IL17RD: variants seen among roughly 807,000 people sequenced by gnomAD.
IL17RD encodes the protein interleukin 17 receptor D.
In IL17RD, 52 loss-of-function variants were observed where a neutral mutation model predicts 80.5. The ratio of observed to expected loss-of-function variants is 0.65; its 90% CI spans 0.52 to 0.81. The LOEUF (loss-of-function observed/expected upper bound fraction) is 0.81, where lower values mean the gene tolerates loss of function less well. Among genes scored for constraint, IL17RD ranks in the 40% least tolerant of loss-of-function variants. IL17RD has a pLI of 0.00. For missense variants in IL17RD, 1,024 were observed against 955.1 expected, an observed-to-expected ratio of 1.07 and a Z score of -0.95; for synonymous variants, 416 against 391.8, an observed-to-expected ratio of 1.06 and a Z score of -0.73.
intron 1 of IL17RD, among the ~76,000 whole-genome samples, chr3:57,161,437 C>T (rs2060304414): frequency 6.6e-6 from 1 of 152,236 alleles, no homozygotes. Flanking sequence ...TTCCTTCCTA[C>T]CTTTTGTGAT....
At chr3:57,101,514 T>C (rs1387596507) in intron 10 of IL17RD, among the ~76,000 whole-genome samples, 151 bp from the exon 11 acceptor site, 1 of 152,222 alleles carries the variant, frequency 6.6e-6, no homozygotes, top group African/African-American at 2.4e-5. Flanking sequence ...TGATCATCAC[T>C]TGGAATGGGA....
At chr3:57,168,464 G>A (rs951417451), upstream of IL17RD, among the ~76,000 whole-genome samples, 1 of 152,142 alleles carries the variant, frequency 6.6e-6, no homozygotes, top group South Asian at 2.1e-4. Flanking sequence ...AGCCTTAAGC[G>A]TCCAGTCTAA....
At chr3:57,126,512 C>G (rs2107506546) in intron 1 of IL17RD, among the ~76,000 whole-genome samples, 1 of 152,342 alleles carries the variant, frequency 6.6e-6, no homozygotes, top group South Asian at 2.1e-4. Flanking sequence ...GGCAGCGGAG[C>G]AGGATCCACA....
chr3:57,157,260 A>T (rs2107543434), intron 1 of IL17RD, among the ~76,000 whole-genome samples: 1 of 152,310 alleles, frequency 6.6e-6, no homozygotes, highest in Admixed American at 6.5e-5. Context: ...GGGCAGTTCT[A>T]GGATGAGGAG....
intron 3 of IL17RD, among the ~76,000 whole-genome samples, chr3:57,111,622 C>T (rs750051574): frequency 1.3e-5 from 2 of 152,086 alleles, no homozygotes; most frequent in Non-Finnish European, 2.9e-5. Flanking sequence ...GACTAGTTAA[C>T]GAAAGCCAAG....
At chr3:57,141,630 A>C (rs570334194) in intron 1 of IL17RD, among the ~76,000 whole-genome samples, 1 of 152,312 alleles carries the variant, frequency 6.6e-6, no homozygotes, top group Middle Eastern at 3.4e-3. Context: ...TGTATACACA[A>C]ACTGCTAAAT....
chr3:57,103,713 T>C (rs1412492928), intron 8 of IL17RD, among the ~76,000 whole-genome samples: 6 of 149,706 alleles, frequency 4.0e-5, no homozygotes, highest in African/African-American at 1.5e-4. Flanking sequence ...GAAACATTAC[T>C]TTTTTTTTTG....
upstream of IL17RD, among the ~76,000 whole-genome samples, chr3:57,168,715 G>GTTGT (rs765223504): frequency 5.9e-5 from 9 of 152,026 alleles, no homozygotes; most frequent in African/African-American, 1.4e-4. Context: ...TGTTTTTGTT[G>GTTGT]TTGTTTGTTT....
chr3:57,163,202 C>T (rs188666667), intron 1 of IL17RD, among the ~76,000 whole-genome samples: 1 of 152,252 alleles, frequency 6.6e-6, no homozygotes, highest in East Asian at 1.9e-4. Context: ...GGCCCAGAGG[C>T]CTCTACGATC....
At chr3:57,141,329 T>G (rs1308153760) in intron 1 of IL17RD, among the ~76,000 whole-genome samples, 1 of 152,236 alleles carries the variant, frequency 6.6e-6, no homozygotes, top group African/African-American at 2.4e-5. Context: ...CCATGTCATC[T>G]TACAAGTTCC....
chr3:57,148,814 C>T (rs938894886), intron 1 of IL17RD, among the ~76,000 whole-genome samples: 5 of 152,154 alleles, frequency 3.3e-5, no homozygotes, highest in Non-Finnish European at 7.4e-5. Flanking sequence ...GGCAGGTGGG[C>T]CCAGTGAAGC....
chr3:57,144,354 T>C (rs988188438), intron 1 of IL17RD, among the ~76,000 whole-genome samples: 2 of 152,248 alleles, frequency 1.3e-5, no homozygotes, highest in African/African-American at 2.4e-5. Context: ...TCACCATCTC[T>C]TCCTCCTCTG....
chr3:57,163,157 T>C (rs1559489441), intron 1 of IL17RD, among the ~76,000 whole-genome samples: 1 of 152,098 alleles, frequency 6.6e-6, no homozygotes, highest in Non-Finnish European at 1.5e-5. Context: ...CAAGGAACCA[T>C]GTATCAGCCT....
intron 5 of IL17RD, among the ~76,000 whole-genome samples, chr3:57,108,115 A>G (rs1707006088): frequency 6.6e-6 from 1 of 150,700 alleles, no homozygotes; most frequent in Non-Finnish European, 1.5e-5. Context: ...GCTGGAGTGC[A>G]GCGGCATGAT....
Position 57,098,212 on chromosome 3 carries a change from C to G in IL17RD, c.1491G>C (p.Lys497Asn), listed in dbSNP as rs773057456. 2 of 1,613,906 alleles carry G rather than the reference C, an allele frequency of 1.2e-6. No homozygotes were observed. The highest frequency in any genetic ancestry group is 2.2e-5 in the South Asian group (2 of 91,058). ...DVPGILDLST[K>N]YRLMDNLPQL... ...GAGGAAGATTGTCCATGAGTCTGTA[C>G]TTGGTACTCAGGTCTAGGATACCGG... The change falls in exon 12 of 13, where the codon AAG (lysine) becomes AAC (asparagine). Residue 497 changes from lysine to asparagine, a missense_variant. By Grantham distance (94) the Lys-to-Asn change is moderately conservative. Transcript: ENST00000296318.
intron 2 of IL17RD, among the ~76,000 whole-genome samples, chr3:57,117,860 C>G (rs561931970): frequency 3.3e-5 from 5 of 152,288 alleles, no homozygotes; most frequent in African/African-American, 1.2e-4. Flanking sequence ...AACTGAACTT[C>G]AAACGTCTCA....
chr3:57,100,126 G>A (rs1579257395), intron 11 of IL17RD, among the ~76,000 whole-genome samples: 2 of 152,342 alleles, frequency 1.3e-5, no homozygotes, highest in East Asian at 3.9e-4. Context: ...GTTTTCCCCA[G>A]AGGCTAAATA....
At chr3:57,127,412 A>ATATATATATATT (rs1246159104) in intron 1 of IL17RD, among the ~76,000 whole-genome samples, 1 of 91,216 alleles carries the variant, frequency 1.1e-5, no homozygotes, top group African/African-American at 4.9e-5. Flanking sequence ...ATATATATAT[A>ATATATATATATT]TTTTTTTTTT....
At chr3:57,163,022 G>A (rs928924038) in intron 1 of IL17RD, among the ~76,000 whole-genome samples, 8 of 152,194 alleles carry the variant, frequency 5.3e-5, no homozygotes, top group Non-Finnish European at 8.8e-5. Flanking sequence ...TGGAAGCACA[G>A]AGGGCATCCA....
Sources: allele counts gnomAD v4.1 joint callset (sites outside exome capture counted in the v4.1 genomes callset), GRCh38; gene constraint gnomAD v4.1.1; transcripts MANE v1.5; gene names NCBI Gene and HGNC (gene_info 2026-07-23, HGNC 2026-07-21).